Variants in AGMO observed in about 807,000 individuals in gnomAD.
AGMO encodes glyceryl-ether monooxygenase.
AGMO carries 75 observed loss-of-function variants against 60.2 expected under a neutral mutation model. The observed-to-expected ratio is 1.25, with a 90% CI of 1.03 to 1.51. The LOEUF (loss-of-function observed/expected upper bound fraction) is 1.51, where lower values mean the gene tolerates loss of function less well. Among genes scored for constraint, AGMO ranks in the 40% most tolerant of loss-of-function variants. The pLI is 0.00. For synonymous variants in AGMO, 261 were observed against 177.1 expected (o/e 1.47, Z -3.76); for missense variants, 763 against 525.5 (o/e 1.45, Z -4.42).
intron 10 of AGMO, among the ~76,000 whole-genome samples, chr7:15,370,420 G>T (rs142122739): frequency 1.7e-4 from 26 of 152,232 alleles, no homozygotes; most frequent in Non-Finnish European, 2.6e-4. Context: ...CCCAGTAATG[G>T]GACTGCTGTG....
At chr7:15,517,744 G>T (rs1562547919) in intron 3 of AGMO, among the ~76,000 whole-genome samples, 1 of 152,112 alleles carries the variant, frequency 6.6e-6, no homozygotes, top group Non-Finnish European at 1.5e-5. Flanking sequence ...GCGGCAGTTT[G>T]GTCAGACACC....
chr7:15,228,457 G>T (rs73056450), intron 12 of AGMO, among the ~76,000 whole-genome samples: 5,705 of 152,176 alleles, frequency 0.037, 127 homozygotes, highest in Non-Finnish European at 0.054. Context: ...GGAGAAGTAA[G>T]GGAAGGTTGA....
chr7:15,526,007 G>C (rs796789382), intron 3 of AGMO, among the ~76,000 whole-genome samples: 1 of 152,198 alleles, frequency 6.6e-6, no homozygotes, highest in Admixed American at 6.5e-5. Flanking sequence ...TCCTGTGCCA[G>C]TGTTTAGAAC....
chr7:15,149,693 C>A, the AGMO span, among the ~76,000 whole-genome samples: 1 of 152,078 alleles, frequency 6.6e-6, no homozygotes, highest in Non-Finnish European at 1.5e-5. Flanking sequence ...TGTACCAGTA[C>A]CATGCTGTTT....
intron 3 of AGMO, among the ~76,000 whole-genome samples, chr7:15,497,428 G>C (rs1307658459): frequency 6.6e-6 from 1 of 151,914 alleles, no homozygotes; most frequent in Admixed American, 6.6e-5. Flanking sequence ...AAATCTAGTT[G>C]AGAAACTATA....
chr7:15,498,554 A>T (rs1358681397), intron 3 of AGMO, among the ~76,000 whole-genome samples: 1 of 151,988 alleles, frequency 6.6e-6, no homozygotes, highest in African/African-American at 2.4e-5. Context: ...TCATGTTTGT[A>T]TAAGGTATTA....
In AGMO at chr7:15,354,369, G is replaced by GACGCGTGTATAT. The variant is rs1782389402; in HGVS notation, c.1263+11144_1263+11145insATATACACGCGT. ...GCGTGTATATAGACGTGTGTATATAGACGTGTGTATACACGTGTGTGTATA... is the reference window on the plus strand; with the variant it reads ...GCGTGTATATAGACGTGTGTATATAGACGCGTGTATATACGTGTGTATACACGTGTGTGTATA... On this transcript the variant is annotated intron_variant, in intron 12 of 12. Coordinates refer to ENST00000342526, the MANE Select transcript of AGMO (RefSeq NM_001004320.2). 8.3e-5 allele frequency among the ~76,000 whole-genome samples: 4 copies of GACGCGTGTATAT among 48,222 alleles called. 1 individual carries two copies. Among genetic ancestry groups the GACGCGTGTATAT allele is most frequent in the African/African-American group, 6.5e-4 (4 of 6,178 alleles). 31.6% of individuals were successfully genotyped at this position (48,222 alleles called of 152,430 possible).
At chr7:15,542,207 T>C (rs1784647534) in intron 3 of AGMO, among the ~76,000 whole-genome samples, 1 of 152,184 alleles carries the variant, frequency 6.6e-6, no homozygotes. Flanking sequence ...AATAAGTTAC[T>C]TTTTTCCTAC....
the AGMO span, among the ~76,000 whole-genome samples, chr7:15,174,305 C>A: frequency 6.6e-6 from 1 of 151,950 alleles, no homozygotes; most frequent in Non-Finnish European, 1.5e-5. Context: ...AACCCTTTTA[C>A]CTGAGAAGTG....
intron 12 of AGMO, among the ~76,000 whole-genome samples, chr7:15,224,286 A>C (rs951969120): frequency 3.9e-5 from 6 of 152,074 alleles, no homozygotes; most frequent in African/African-American, 1.4e-4. Context: ...CACCCTCACA[A>C]ATACAGATGT....
chr7:15,395,771 A>C (rs1469595064), intron 5 of AGMO, among the ~76,000 whole-genome samples: 2 of 152,210 alleles, frequency 1.3e-5, no homozygotes, highest in Non-Finnish European at 2.9e-5. Context: ...AATCCAACTG[A>C]AAATAATAAA....
chr7:15,132,737 T>C, the AGMO span, among the ~76,000 whole-genome samples: 1 of 152,170 alleles, frequency 6.6e-6, no homozygotes, highest in Admixed American at 6.6e-5. Context: ...GTGAAGACTG[T>C]ACTCAGATTT....
At chr7:15,505,827 C>T (rs17168801) in intron 3 of AGMO, among the ~76,000 whole-genome samples, 2,650 of 152,072 alleles carry the variant, frequency 0.017, 63 homozygotes, top group African/African-American at 0.06. Context: ...CTCTGTATTT[C>T]TGTTTTTAAG....
chr7:15,481,263 G>A (rs569703886), intron 3 of AGMO, among the ~76,000 whole-genome samples: 100 of 152,114 alleles, frequency 6.6e-4, no homozygotes, highest in Middle Eastern at 6.8e-3. Flanking sequence ...TCCTAATAAT[G>A]GGCAGGTCTG....
chr7:15,422,078 G>C (rs1780941905), intron 4 of AGMO, among the ~76,000 whole-genome samples: 1 of 152,048 alleles, frequency 6.6e-6, no homozygotes, highest in South Asian at 2.1e-4. Flanking sequence ...GAATTTGCAG[G>C]TATGAATCAG....
At chr7:15,322,116 G>A (rs909061655) in intron 12 of AGMO, among the ~76,000 whole-genome samples, 1 of 151,036 alleles carries the variant, frequency 6.6e-6, no homozygotes, top group African/African-American at 2.4e-5. Context: ...GTTCAGCCTG[G>A]GCAACATAAT....
At chr7:15,267,494 C>A (rs1289586903) in intron 12 of AGMO, among the ~76,000 whole-genome samples, 1 of 151,992 alleles carries the variant, frequency 6.6e-6, no homozygotes, top group Non-Finnish European at 1.5e-5. Context: ...ATCCAATCTA[C>A]ATTTCCCTTC....
chr7:15,548,142 C>T (rs1214907383), intron 2 of AGMO, among the ~76,000 whole-genome samples: 2 of 152,052 alleles, frequency 1.3e-5, no homozygotes, highest in African/African-American at 2.4e-5. Context: ...ACAGAAAGGA[C>T]ATCCACATCA....
chr7:15,504,726 A>T (rs1215855933), intron 3 of AGMO, among the ~76,000 whole-genome samples: 1 of 151,592 alleles, frequency 6.6e-6, no homozygotes, highest in Non-Finnish European at 1.5e-5. Context: ...GTTTATCCAG[A>T]CAGGGTTAAA....
Sources: allele counts gnomAD v4.1 joint callset (sites outside exome capture counted in the v4.1 genomes callset), GRCh38; gene constraint gnomAD v4.1.1; transcripts MANE v1.5; gene names NCBI Gene and HGNC (gene_info 2026-07-23, HGNC 2026-07-21).